Variants in RNASE9 observed in about 807,000 individuals in gnomAD.
The protein encoded by RNASE9 is ribonuclease A family member 9 (inactive).
For missense variants in RNASE9, 263 were observed against 247.1 expected, an observed-to-expected ratio of 1.06 and a Z score of -0.43; for synonymous variants, 95 against 87.6, an observed-to-expected ratio of 1.08 and a Z score of -0.47.
At chr14:20,558,341 AT>A (rs1883797255) in exon 3 of RNASE9, 1 of 640,088 alleles carries the variant, frequency 1.6e-6, no homozygotes, top group African/African-American at 1.8e-5. Flanking sequence ...AGGTTAGAGA[AT>A]GATGGAATTA....
rs1210102785 is a variant in RNASE9 at position 20,557,120 on chromosome 14, T to C, written c.-51A>G. Reference sequence around the variant, plus strand: ...AACGGGATATGTTCTATTGTGATAATGTGCTTGCTTCCATTTCCTGTGTGG... The same window carrying C: ...AACGGGATATGTTCTATTGTGATAACGTGCTTGCTTCCATTTCCTGTGTGG... On this transcript the variant is annotated 5_prime_UTR_variant, in exon 3 of 3. Coordinates refer to ENST00000555230, the Ensembl canonical transcript of RNASE9. 11 of 1,543,558 alleles carry C rather than the reference T, an allele frequency of 7.1e-6. No individual in the cohort carries two copies. The South Asian group carries it at 7.6e-5, about 11-fold the overall frequency.
exon 3 of RNASE9, chr14:20,556,725 G>A (rs1273584524): frequency 6.2e-7 from 1 of 1,613,932 alleles, no homozygotes; most frequent in Admixed American, 1.7e-5. Flanking sequence ...TGTTGTAACA[G>A]ATTTTTTGGA....
chr14:20,556,580 C>T lies in RNASE9; in HGVS notation c.490G>A (p.Val164Ile), dbSNP rs748283218. ...TTTTGCCATGAACAAGTGATAAGGA[C>T]GTAGCCCTTCCTATAAAGTGATTCG... Residue 164 changes from valine (V) to isoleucine (I), a missense_variant, in exon 3 of 3, where the codon GTC becomes ATC. Physicochemically the swap from Val to Ile is conservative, Grantham distance 29 (BLOSUM62 3). Coordinates refer to ENST00000555230, the Ensembl canonical transcript of RNASE9. The T allele has an allele frequency of 2.2e-5, 36 of 1,613,886 alleles. 1 individual carries two copies. In the Middle Eastern group the frequency reaches 3.1e-3, roughly 141 times the overall value.
chr14:20,556,389 A>G (rs1883685700), exon 3 of RNASE9: 1 of 1,193,616 alleles, frequency 8.4e-7, no homozygotes, highest in Non-Finnish European at 1.2e-6. Context: ...CTCAACTTTG[A>G]TCTATAAGGA....
At position 20,556,788 on chromosome 14, in the gene RNASE9, G is replaced by T; in HGVS notation, c.282C>A (p.Tyr94Ter). ...AATGTTCTGCCACCCAACGGTGTTTGTAGTAAACATTTTTTCCCATGATTT... is the reference window on the plus strand; with the variant it reads ...AATGTTCTGCCACCCAACGGTGTTTTTAGTAAACATTTTTTCCCATGATTT... Residue 94 changes from tyrosine to a stop codon, truncating the protein, a stop_gained, in exon 3 of 3, where the codon TAC becomes TAA. Coordinates refer to ENST00000555230, the Ensembl canonical transcript of RNASE9. LOFTEE classifies it low-confidence loss of function (END_TRUNC). 1.2e-6 allele frequency: 2 copies of T among 1,613,688 alleles called. No individual in the cohort carries two copies. The highest frequency in any genetic ancestry group is 1.7e-6 in the Non-Finnish European group (2 of 1,179,668).
chr14:20,556,574 T>C (rs1395704319), exon 3 of RNASE9: 3 of 1,613,870 alleles, frequency 1.9e-6, no homozygotes, highest in Admixed American at 1.7e-5. Context: ...GAACAAGTGA[T>C]AAGGACGTAG....
At chr14:20,557,144 G>T in exon 3 of RNASE9, 1 of 1,480,278 alleles carries the variant, frequency 6.8e-7, no homozygotes, top group Non-Finnish European at 9.1e-7. Flanking sequence ...TTTCCTGTGT[G>T]GGGCACAGTT....
chr14:20,560,628 AATT>A (rs1452538502), intron 1 of RNASE9, among the ~76,000 whole-genome samples: 1 of 152,034 alleles, frequency 6.6e-6, no homozygotes, highest in South Asian at 2.1e-4. Flanking sequence ...TTGCAATAAT[AATT>A]ATTATTATAA....
chr14:20,556,492 C>T lies in RNASE9; in HGVS notation c.578G>A (p.Ser193Asn), dbSNP rs368849266. Residue 193 changes from serine to asparagine, a missense_variant, in exon 3 of 3, where the codon AGT becomes AAT. By Grantham distance (46) the Ser-to-Asn change is conservative. Transcript: ENST00000555230. ...AAAGACACCATCCTCACTGAGGAAA[C>T]TTCTGTGTTCAGGTGGCTCCACGAG... 16 of 1,613,312 alleles carry T rather than the reference C, an allele frequency of 9.9e-6. No individual in the cohort carries two copies. The highest frequency in any genetic ancestry group is 6.7e-5 in the African/African-American group (5 of 75,026).
intron 2 of RNASE9, among the ~76,000 whole-genome samples, chr14:20,559,073 T>A (rs1376152680): frequency 6.6e-6 from 1 of 152,134 alleles, no homozygotes; most frequent in African/African-American, 2.4e-5. Context: ...AACAGTTTAT[T>A]GTGTTTTGAT....
At chr14:20,556,571 T>A in exon 3 of RNASE9, 6 of 1,613,936 alleles carry the variant, frequency 3.7e-6, no homozygotes, top group Non-Finnish European at 5.1e-6. Flanking sequence ...CATGAACAAG[T>A]GATAAGGACG....
chr14:20,556,434 C>G lies in RNASE9; in HGVS notation c.*18G>C, dbSNP rs200190063. On this transcript the variant is annotated 3_prime_UTR_variant, in exon 3 of 3. Transcript: ENST00000555230. ...AGAGAAATATTCCTCCCACCCTAAG[C>G]TCTCAGAGAACGCTCTGCTAGGGCG... The G allele has an allele frequency of 2.5e-5, 38 of 1,544,410 alleles. No individual in the cohort carries two copies. In the African/African-American group the frequency reaches 4.7e-4, roughly 19 times the overall value.
At chr14:20,557,057 G>C in exon 3 of RNASE9, 11 of 1,604,770 alleles carry the variant, frequency 6.9e-6, no homozygotes, top group Non-Finnish European at 9.3e-6. Flanking sequence ...GTGGTGATGA[G>C]AGTTCTCATC....
chr14:20,558,605 C>G (rs745933493), exon 3 of RNASE9: 8 of 1,550,214 alleles, frequency 5.2e-6, no homozygotes, highest in Admixed American at 2.0e-5. Context: ...TCAGAGAGCT[C>G]GGAACATACT....
chr14:20,558,401 T>C (rs912898286), exon 3 of RNASE9: 1 of 702,056 alleles, frequency 1.4e-6, no homozygotes, highest in African/African-American at 1.8e-5. Context: ...GACAGGAAAG[T>C]TGAGCATAGG....
rs767317543 is a variant in RNASE9, at chr14:20,559,637, T to C, written c.-1633-4A>G. 3.3e-5 allele frequency: 5 copies of C among 152,216 alleles called. No homozygotes were observed. The highest frequency in any genetic ancestry group is 5.9e-5 in the Non-Finnish European group (4 of 68,036). 9.4% of individuals were successfully genotyped at this position (152,216 alleles called of 1,614,324 possible). On this transcript the variant is annotated splice_region_variant and splice_polypyrimidine_tract_variant and intron_variant, in intron 1 of 2. Coordinates refer to ENST00000555230, the Ensembl canonical transcript of RNASE9. ...CAGTTCTCACTAATTGAAATTTCTG[T>C]GGATGAATCCAGAAATTTGCATTTT...
At chr14:20,558,216 G>A (rs1883790986) in exon 3 of RNASE9, 1 of 428,322 alleles carries the variant, frequency 2.3e-6, no homozygotes, top group Non-Finnish European at 4.3e-6. Flanking sequence ...CTACTTGGTG[G>A]CAACCTGAGT....
At chr14:20,556,781 G>T (rs76766155) in exon 3 of RNASE9, 9 of 1,613,390 alleles carry the variant, frequency 5.6e-6, no homozygotes, top group Non-Finnish European at 5.9e-6. Flanking sequence ...GCCACCCAAC[G>T]GTGTTTGTAG....
At chr14:20,556,439 A>G (rs760262430) in exon 3 of RNASE9, 2 of 1,567,418 alleles carry the variant, frequency 1.3e-6, no homozygotes, top group African/African-American at 1.3e-5. Flanking sequence ...CTAAGCTCTC[A>G]GAGAACGCTC....
Sources: gnomAD v4.1 joint callset for allele counts (sites outside exome capture counted in the v4.1 genomes callset) on GRCh38, gnomAD v4.1.1 for gene constraint, MANE v1.5 for transcripts, NCBI Gene and HGNC (gene_info 2026-07-23, HGNC 2026-07-21) for gene names.